The following PRKN variants were observed in gnomAD, a reference collection of about 807,000 sequenced individuals.
PRKN encodes E3 ubiquitin-protein ligase parkin.
Under a neutral mutation model 59.5 loss-of-function variants are expected in PRKN, and 56 were observed. That is an observed-to-expected ratio of 0.94 (90% CI 0.76 to 1.18). PRKN has a LOEUF of 1.18. PRKN is among the 50% of genes most tolerant of loss of function. The probability of loss-of-function intolerance (pLI) is 0.00; values close to 1 mark genes in which losing one functional copy is unlikely to be tolerated. For synonymous variants in PRKN, 250 were observed against 222.1 expected, an observed-to-expected ratio of 1.13 and a Z score of -1.12; for missense variants, 657 against 596.4, an observed-to-expected ratio of 1.10 and a Z score of -1.06.
intron 6 of PRKN, among the ~76,000 whole-genome samples, chr6:161,826,639 C>A (rs896362282): frequency 6.6e-6 from 1 of 152,200 alleles, no homozygotes; most frequent in Admixed American, 6.5e-5. Context: ...CAGTTCTAGA[C>A]AGATGGCCAC....
chr6:162,652,791 A>G (rs1442083540), intron 1 of PRKN, among the ~76,000 whole-genome samples: 1 of 152,032 alleles, frequency 6.6e-6, no homozygotes, highest in Admixed American at 6.6e-5. Context: ...AAAAAAAAAT[A>G]AGAAGAAGAA....
chr6:161,776,772 G>C (rs1042439360), intron 7 of PRKN, among the ~76,000 whole-genome samples: 2 of 152,166 alleles, frequency 1.3e-5, no homozygotes, highest in Non-Finnish European at 2.9e-5. Flanking sequence ...GGAGTACGGA[G>C]CTCTGGAGCC....
chr6:161,810,799 T>G (rs1490010277), intron 6 of PRKN, among the ~76,000 whole-genome samples: 1 of 152,192 alleles, frequency 6.6e-6, no homozygotes, highest in African/African-American at 2.4e-5. Context: ...TCATTATCCT[T>G]AGGATTCTAA....
intron 9 of PRKN, among the ~76,000 whole-genome samples, chr6:161,501,595 T>G (rs576405151): frequency 6.6e-6 from 1 of 152,274 alleles, no homozygotes; most frequent in East Asian, 1.9e-4. Flanking sequence ...GTTGGTCTGT[T>G]TCCAGGAATC....
At chr6:162,619,010 T>C (rs553121456) in intron 1 of PRKN, among the ~76,000 whole-genome samples, 73 of 152,342 alleles carry the variant, frequency 4.8e-4, no homozygotes, top group African/African-American at 1.7e-3. Context: ...CCAATAAGGA[T>C]TGATTTACTG....
chr6:162,151,725 T>C (rs1782278684), intron 4 of PRKN, among the ~76,000 whole-genome samples: 2 of 152,118 alleles, frequency 1.3e-5, no homozygotes, highest in Admixed American at 1.3e-4. Context: ...AGTCCCACTT[T>C]AAGAAAAAGA....
intron 4 of PRKN, among the ~76,000 whole-genome samples, chr6:162,149,124 A>T (rs1189700268): frequency 6.6e-6 from 1 of 152,170 alleles, no homozygotes; most frequent in Non-Finnish European, 1.5e-5. Flanking sequence ...AGGACAATTC[A>T]TTGTTACTTT....
rs1182912500 is a variant in PRKN at position 161,473,468 on chromosome 6, G to A, written c.1083+75386C>T. Among the ~76,000 whole-genome samples the A allele has an allele frequency of 6.6e-6, 1 of 151,636 alleles. No individual in the cohort carries two copies. The highest frequency in any genetic ancestry group is 1.5e-5 in the Non-Finnish European group (1 of 67,960). On this transcript the variant is annotated intron_variant, in intron 9 of 11. Coordinates refer to ENST00000366898, the MANE Select transcript of PRKN (RefSeq NM_004562.3). This position sits in a 1 kb window ranked among gnomAD's most constrained non-coding sequence, Gnocchi z 4.1. ...GAGGACATTATGCTAAGTGAACTGA[G>A]CCAGACACAGGAAAAAGTACTGCAT...
chr6:162,558,111 C>CT (rs1302484591), intron 1 of PRKN, among the ~76,000 whole-genome samples: 1 of 152,138 alleles, frequency 6.6e-6, no homozygotes, highest in African/African-American at 2.4e-5. Context: ...ATGGCTGCTC[C>CT]TTACGACAAA....
intron 1 of PRKN, among the ~76,000 whole-genome samples, chr6:162,726,864 G>T (rs556373083): frequency 6.6e-6 from 1 of 152,186 alleles, no homozygotes; most frequent in Admixed American, 6.5e-5. Flanking sequence ...AATTTTCAGG[G>T]ATAGCCCCTA....
chr6:161,524,296 G>GA (rs572762938), intron 9 of PRKN, among the ~76,000 whole-genome samples: 492 of 152,100 alleles, frequency 3.2e-3, no homozygotes, highest in African/African-American at 0.011. Context: ...CTCCCAAATA[G>GA]AAAAAAATTG....
intron 4 of PRKN, among the ~76,000 whole-genome samples, chr6:162,173,550 TA>T (rs1236157035): frequency 4.7e-5 from 6 of 126,964 alleles, no homozygotes; most frequent in African/African-American, 1.2e-4. Context: ...TTTTTTTTTT[TA>T]AATTAAACAG....
chr6:161,660,654 G>A (rs1406314218), intron 7 of PRKN, among the ~76,000 whole-genome samples: 1 of 152,054 alleles, frequency 6.6e-6, no homozygotes, highest in Admixed American at 6.5e-5. Flanking sequence ...CCATGTCCTG[G>A]GCCGCTCTTT....
At chr6:162,201,380 G>GAATA (rs1312561312) in intron 3 of PRKN, 128 bp from the exon 4 acceptor site, 1 of 809,234 alleles carries the variant, frequency 1.2e-6, no homozygotes, top group African/African-American at 1.7e-5. Flanking sequence ...AACATTACTG[G>GAATA]AATAAATATT....
chr6:162,167,074 A>T (rs1297426390), intron 4 of PRKN, among the ~76,000 whole-genome samples: 1 of 152,202 alleles, frequency 6.6e-6, no homozygotes, highest in Non-Finnish European at 1.5e-5. Flanking sequence ...CAACTGTGTC[A>T]GAAATGAGGA....
At chr6:161,697,500 C>T (rs918825699) in intron 7 of PRKN, among the ~76,000 whole-genome samples, 1 of 152,132 alleles carries the variant, frequency 6.6e-6, no homozygotes, top group Admixed American at 6.5e-5. Flanking sequence ...TGTAAGCTTG[C>T]CCTCTCATAA....
intron 6 of PRKN, among the ~76,000 whole-genome samples, chr6:161,875,011 T>TATATATATA (rs1562356903): frequency 1.0e-5 from 1 of 95,346 alleles, no homozygotes; most frequent in Non-Finnish European, 1.8e-5. Context: ...ATATTATATA[T>TATATATATA]TATATATAAA....
intron 9 of PRKN, among the ~76,000 whole-genome samples, chr6:161,500,708 G>A (rs1275491281): frequency 6.6e-6 from 1 of 152,072 alleles, no homozygotes; most frequent in Non-Finnish European, 1.5e-5. Context: ...ATCGACTGAA[G>A]GACACCTTGG....
At chr6:162,394,778 G>C (rs537213599) in intron 2 of PRKN, among the ~76,000 whole-genome samples, 1 of 152,290 alleles carries the variant, frequency 6.6e-6, no homozygotes, top group South Asian at 2.1e-4. Flanking sequence ...CCAAGAAGTA[G>C]AGCTCATCAC....
Sources: gnomAD v4.1 joint callset for allele counts (sites outside exome capture counted in the v4.1 genomes callset) on GRCh38, gnomAD v4.1.1 for gene constraint, Gnocchi (gnomAD v3.1) non-coding constraint, MANE v1.5 for transcripts, NCBI Gene and HGNC (gene_info 2026-07-23, HGNC 2026-07-21) for gene names.